The following NDUFV2 variants were observed in gnomAD, a reference collection of about 807,000 sequenced individuals.
NDUFV2 encodes the protein NADH dehydrogenase [ubiquinone] flavoprotein 2, mitochondrial.
NDUFV2 carries 18 observed loss-of-function variants against 31.6 expected under a neutral mutation model. The observed-to-expected ratio is 0.57, with a 90% CI of 0.39 to 0.84. The LOEUF (loss-of-function observed/expected upper bound fraction) is 0.84. NDUFV2 is among the 40% of genes least tolerant of loss of function. NDUFV2 has a pLI of 0.00. For synonymous variants in NDUFV2, 83 were observed against 99.8 expected (o/e 0.83, Z 1.01); for missense variants, 314 against 303.6 (o/e 1.03, Z -0.26).
intron 5 of NDUFV2, among the ~76,000 whole-genome samples, chr18:9,124,071 C>T (rs551755631): frequency 6.6e-6 from 1 of 152,132 alleles, no homozygotes; most frequent in Non-Finnish European, 1.5e-5. Flanking sequence ...AATAATACAG[C>T]CTGATGCACT....
intron 1 of NDUFV2, among the ~76,000 whole-genome samples, chr18:9,114,375 CTT>C (rs1432499210): frequency 6.7e-5 from 10 of 149,448 alleles, no homozygotes; most frequent in Non-Finnish European, 1.5e-4. Context: ...GACAGTAACT[CTT>C]TGATAAAGTC....
chr18:9,112,886 G>A (rs943181710), intron 1 of NDUFV2: 18 of 152,160 alleles, frequency 1.2e-4, no homozygotes, highest in African/African-American at 4.3e-4. Context: ...ACAGTACAGA[G>A]TAGGGATACA....
chr18:9,109,063 T>A (rs1225196304), intron 1 of NDUFV2, among the ~76,000 whole-genome samples: 1 of 151,876 alleles, frequency 6.6e-6, no homozygotes, highest in Non-Finnish European at 1.5e-5. Context: ...TTTTAGGAGG[T>A]TTCAGTTTTC....
At chr18:9,123,679 G>C (rs1180251082) in intron 5 of NDUFV2, among the ~76,000 whole-genome samples, 1 of 152,004 alleles carries the variant, frequency 6.6e-6, no homozygotes, top group Non-Finnish European at 1.5e-5. Context: ...TTGTAGAGAG[G>C]GGTCTTGCTA....
rs771327415 is a variant in NDUFV2, at chr18:9,102,711, C to T, written c.-33C>T. On this transcript the variant is annotated 5_prime_UTR_variant, in exon 1 of 8. Coordinates refer to ENST00000318388, the MANE Select transcript of NDUFV2 (RefSeq NM_021074.5). ...GGGCGCGCTCGGGATTCTCGCCTGG[C>T]GCGGCTGGGGAAGGTGAACAGTGTG... 1.0e-5 allele frequency: 16 copies of T among 1,570,340 alleles called. No individual in the cohort carries two copies. Among genetic ancestry groups the T allele is most frequent in the African/African-American group, 2.8e-5 (2 of 72,642 alleles).
chr18:9,119,569 G>T lies in NDUFV2; in HGVS notation c.279G>T (p.Leu93Phe), dbSNP rs1330206755. 1.2e-6 allele frequency: 2 copies of T among 1,612,942 alleles called. No homozygotes were observed. Among genetic ancestry groups the T allele is most frequent in the South Asian group, 2.2e-5 (2 of 91,068 alleles). ...LDLAQRQNGWLPISAMNKVAE... is the reference protein window; with the variant it reads ...LDLAQRQNGWFPISAMNKVAE... Reference sequence around the variant, plus strand: ...TAGCCCAAAGGCAGAATGGGTGGTTGCCCATCTCTGCTATGAACAAGGTAC... The same window carrying T: ...TAGCCCAAAGGCAGAATGGGTGGTTTCCCATCTCTGCTATGAACAAGGTAC... The change falls in exon 4 of 8, where the codon TTG becomes TTT. Residue 93 changes from leucine (L) to phenylalanine (F), a missense_variant. Coordinates refer to ENST00000318388, the MANE Select transcript of NDUFV2 (RefSeq NM_021074.5).
intron 5 of NDUFV2, among the ~76,000 whole-genome samples, chr18:9,124,283 TA>T (rs1264626855): frequency 1.3e-5 from 2 of 151,490 alleles, no homozygotes; most frequent in Middle Eastern, 6.8e-3. Flanking sequence ...TTTACTACTG[TA>T]AAAAAATTTT....
Position 9,113,816 on chromosome 18 carries a change from C to A in NDUFV2, c.55-4022C>A, listed in dbSNP as rs142119538. Among the ~76,000 whole-genome samples, 895 of 152,314 alleles carry A rather than the reference C, an allele frequency of 5.9e-3. 3 individuals carry two copies. Among genetic ancestry groups the A allele is most frequent in the African/African-American group, 0.02 (833 of 41,548 alleles). ...AAACAGACCCCCTTAGAGTTGTGAGCCCCTAAAAGGGACAGGAATTGCTCA... is the reference window on the plus strand; with the variant it reads ...AAACAGACCCCCTTAGAGTTGTGAGACCCTAAAAGGGACAGGAATTGCTCA... On this transcript the variant is annotated intron_variant, in intron 1 of 7. Transcript: ENST00000318388.
At chr18:9,104,216 G>C (rs745810818) in intron 1 of NDUFV2, 16 of 1,612,600 alleles carry the variant, frequency 9.9e-6, no homozygotes, top group East Asian at 6.7e-5. Context: ...GCCACCCTCT[G>C]CTGTTGGAGG....
rs544093458 is a variant in NDUFV2 at position 9,108,448 on chromosome 18, T to C, written c.54+5651T>C. ...ATTTAGCTGTGTGAGCTAGGGAAAG[T>C]TTTTCCCCCTTCTTTGAGCCTTAAT... On this transcript the variant is annotated intron_variant, in intron 1 of 7. Coordinates refer to ENST00000318388, the MANE Select transcript of NDUFV2 (RefSeq NM_021074.5). Among the ~76,000 whole-genome samples, 88 of 152,258 alleles carry C rather than the reference T, an allele frequency of 5.8e-4. 1 individual carries two copies. The South Asian group carries it at 0.011, about 19-fold the overall frequency.
chr18:9,117,989 C>T, intron 2 of NDUFV2, 86 bp downstream of exon 2: 1 of 891,784 alleles, frequency 1.1e-6, no homozygotes, highest in East Asian at 2.4e-5. Flanking sequence ...ATCTTAAATA[C>T]CATTGTCTTT....
In NDUFV2 at chr18:9,117,864, G is replaced by A; in HGVS notation, c.81G>A (p.Lys27=). The change falls in exon 2 of 8, where the codon AAG becomes AAA. Residue 27 remains lysine (K), a synonymous_variant. Transcript: ENST00000318388. ...GAAGACATGTAAGGAATTTGCATAA[G>A]ACAGTTATGCAAAATGGAGCTGGAG... ...HWGRHVRNLH[K]TVMQNGAGGA... The A allele has an allele frequency of 6.2e-7, 1 of 1,600,320 alleles. No individual in the cohort carries two copies. Among genetic ancestry groups the A allele is most frequent in the Non-Finnish European group, 8.6e-7 (1 of 1,167,822 alleles).
intron 1 of NDUFV2, chr18:9,104,248 A>G (rs768922193): frequency 1.2e-6 from 2 of 1,612,682 alleles, no homozygotes; most frequent in African/African-American, 1.3e-5. Context: ...CCCAAATGAA[A>G]TAAGGGAGAG....
chr18:9,131,177 C>T (rs1263223504), intron 7 of NDUFV2, among the ~76,000 whole-genome samples: 2 of 152,112 alleles, frequency 1.3e-5, no homozygotes, highest in Non-Finnish European at 2.9e-5. Flanking sequence ...TATATTTACT[C>T]TTCATTAAGT....
intron 1 of NDUFV2, chr18:9,104,046 T>C: frequency 8.9e-7 from 1 of 1,117,896 alleles, no homozygotes; most frequent in South Asian, 1.5e-5. Flanking sequence ...AAAAGTACAG[T>C]GTTAGAGAGA....
At chr18:9,117,677 A>C (rs1322155396) in intron 1 of NDUFV2, 161 bp from the exon 2 acceptor site, 1 of 570,636 alleles carries the variant, frequency 1.8e-6, no homozygotes, top group Admixed American at 3.0e-5. Context: ...TTTGTAAAAT[A>C]ACTCTCCTGA....
rs1257566649 is a variant in NDUFV2 at position 9,109,766 on chromosome 18, A to G, written c.54+6969A>G. Among the ~76,000 whole-genome samples the G allele has an allele frequency of 3.3e-5, 5 of 152,240 alleles. 1 individual carries two copies. The South Asian group carries it at 8.3e-4, about 25-fold the overall frequency. ...TAAAATGGAAATAATGACTCACTAC[A>G]GATTTTTTAGGAATCGACGAAAAAA... On this transcript the variant is annotated intron_variant, in intron 1 of 7. Coordinates refer to ENST00000318388, the MANE Select transcript of NDUFV2 (RefSeq NM_021074.5).
intron 1 of NDUFV2, among the ~76,000 whole-genome samples, chr18:9,115,245 A>C (rs2077892111): frequency 6.6e-6 from 1 of 152,186 alleles, no homozygotes; most frequent in Admixed American, 6.5e-5. Flanking sequence ...ACTTTTAATT[A>C]TTTATGGCCT....
Position 9,119,315 on chromosome 18 carries a change from T to A in NDUFV2, c.121-11T>A, listed in dbSNP as rs980403318. On this transcript the variant is annotated splice_polypyrimidine_tract_variant and intron_variant, in intron 2 of 7. Transcript: ENST00000318388. ...TTTGGATAAGTCTGAAAAACTGTTT[T>A]TGTTGTGTAGCACAGAGATACTCCT... The A allele has an allele frequency of 6.2e-7, 1 of 1,609,540 alleles. No individual in the cohort carries two copies.
Sources: gnomAD v4.1 joint callset for allele counts (sites outside exome capture counted in the v4.1 genomes callset) on GRCh38, gnomAD v4.1.1 for gene constraint, MANE v1.5 for transcripts, NCBI Gene and HGNC (gene_info 2026-07-23, HGNC 2026-07-21) for gene names.